Variants in ZNF512 observed in about 807,000 individuals in gnomAD.
ZNF512 encodes zinc finger protein 512.
In ZNF512, 25 loss-of-function variants were observed where a neutral mutation model predicts 77.5. The observed-to-expected ratio is 0.32, with a 90% confidence interval of 0.23 to 0.45. The LOEUF (loss-of-function observed/expected upper bound fraction) is 0.45, where lower values mean the gene tolerates loss of function less well. Among genes scored for constraint, ZNF512 ranks in the 20% least tolerant of loss-of-function variants. The probability of loss-of-function intolerance (pLI) is 1.00; values close to 1 mark genes in which losing one functional copy is unlikely to be tolerated. For synonymous variants in ZNF512, 246 were observed against 239.9 expected, an observed-to-expected ratio of 1.03 and a Z score of -0.24; for missense variants, 483 against 692.6, an observed-to-expected ratio of 0.70 and a Z score of 3.40.
At chr2:27,587,268 GTTTTTTTT>G (rs57745266) in intron 2 of ZNF512, among the ~76,000 whole-genome samples, 1 of 132,944 alleles carries the variant, frequency 7.5e-6, no homozygotes, top group African/African-American at 2.8e-5. Flanking sequence ...TAATTCATGG[GTTTTTTTT>G]TTTTTTTTTT....
At chr2:27,591,699 G>A (rs1375855701) in intron 2 of ZNF512, among the ~76,000 whole-genome samples, 3 of 152,186 alleles carry the variant, frequency 2.0e-5, no homozygotes, top group Admixed American at 6.5e-5. Flanking sequence ...GCGAGTCACC[G>A]CGCCCAGCCT....
At chr2:27,597,971 TCTGCAGAGGTAAC>T (rs1671946393) in intron 2 of ZNF512, 83 bp from the exon 3 acceptor site, 2 of 955,044 alleles carry the variant, frequency 2.1e-6, no homozygotes, top group Admixed American at 5.0e-5. Context: ...TTCTTAGTTT[TCTGCAGAGGTAAC>T]CAACTTGGTT....
At chr2:27,583,454 G>C in intron 1 of ZNF512, 2 of 1,449,922 alleles carry the variant, frequency 1.4e-6, no homozygotes, top group Admixed American at 5.7e-5. Context: ...GAGAATGGGG[G>C]AAGACGAAGG....
At chr2:27,609,854 A>T (rs184664086) in intron 10 of ZNF512, among the ~76,000 whole-genome samples, 2 of 144,700 alleles carry the variant, frequency 1.4e-5, no homozygotes, top group African/African-American at 5.3e-5. Context: ...GGGCAACAAG[A>T]GCAGAAATCT....
chr2:27,593,761 C>A (rs1470252860), intron 2 of ZNF512, among the ~76,000 whole-genome samples: 1 of 150,512 alleles, frequency 6.6e-6, no homozygotes, highest in Non-Finnish European at 1.5e-5. Flanking sequence ...TATTTTTCTG[C>A]CTTAGTATCT....
Position 27,621,568 on chromosome 2 carries a change from T to C in ZNF512, c.*107T>C, listed in dbSNP as rs1673125159. On this transcript the variant is annotated 3_prime_UTR_variant, in exon 14 of 14. Transcript: ENST00000355467. ...ATTCTTTCAGCTGTTTGTGTAAGGC[T>C]GTGACTTTCTCAGCTCCTTCCTCCT... The C allele has an allele frequency of 2.5e-6, 3 of 1,214,632 alleles. No homozygotes were observed. 75.2% of individuals were successfully genotyped at this position (1,214,632 alleles called of 1,614,324 possible). A position where few individuals can be genotyped will look rare whatever the true frequency, so the allele number is the denominator to read the frequency against.
chr2:27,622,703 G>A lies in ZNF512; in HGVS notation c.*1242G>A, dbSNP rs2148053035. 1 of 152,772 alleles carries A rather than the reference G, an allele frequency of 6.5e-6. No individual in the cohort carries two copies. Among genetic ancestry groups the A allele is most frequent in the South Asian group, 2.1e-4 (1 of 4,816 alleles). The allele number at this position is 152,772 out of a possible 1,614,324, so 9.5% of individuals were successfully genotyped here. ...CTCTTCCCCATTTTGCGTAAATATT[G>A]GTCTTATATATTCTTGCCTATTTTG... On this transcript the variant is annotated 3_prime_UTR_variant, in exon 14 of 14. Transcript: ENST00000355467.
At chr2:27,596,761 A>G (rs1671889222) in intron 2 of ZNF512, among the ~76,000 whole-genome samples, 2 of 152,184 alleles carry the variant, frequency 1.3e-5, no homozygotes, top group African/African-American at 4.8e-5. Context: ...TCATGTGTGG[A>G]GAGCCGAAAC....
chr2:27,588,699 G>A (rs1671443293), intron 2 of ZNF512, among the ~76,000 whole-genome samples: 2 of 151,874 alleles, frequency 1.3e-5, no homozygotes, highest in Admixed American at 1.3e-4. Context: ...GTTATTCTCA[G>A]TTCTTTGCGT....
intron 3 of ZNF512, 91 bp from the exon 4 acceptor site, chr2:27,599,492 A>T: frequency 1.1e-6 from 1 of 912,024 alleles, no homozygotes; most frequent in East Asian, 2.4e-5. Flanking sequence ...TTTCCTTTTG[A>T]TGGTCTTGTG....
intron 10 of ZNF512, among the ~76,000 whole-genome samples, chr2:27,608,404 C>G (rs528230918): frequency 1.3e-5 from 2 of 152,126 alleles, no homozygotes; most frequent in Non-Finnish European, 2.9e-5. Context: ...TCCTCTCCCC[C>G]GCTTTTTTCA....
chr2:27,593,323 G>C (rs1396601958), intron 2 of ZNF512, among the ~76,000 whole-genome samples: 5 of 150,340 alleles, frequency 3.3e-5, no homozygotes, highest in Admixed American at 6.6e-5. Context: ...GATTGTTTAA[G>C]CCTGGGAGGT....
intron 10 of ZNF512, among the ~76,000 whole-genome samples, chr2:27,613,031 T>C (rs908372310): frequency 2.0e-5 from 3 of 152,218 alleles, no homozygotes; most frequent in African/African-American, 4.8e-5. Flanking sequence ...CCCATTCCCC[T>C]TTTCTTTCTA....
In ZNF512 at chr2:27,607,906, A is replaced by G. The variant is rs1448738065; in HGVS notation, c.998A>G (p.Lys333Arg). 7.4e-6 allele frequency: 12 copies of G among 1,614,022 alleles called. No homozygotes were observed. Among genetic ancestry groups the G allele is most frequent in the Non-Finnish European group, 1.0e-5 (12 of 1,180,026 alleles). Residue 333 changes from lysine to arginine, a missense_variant, in exon 10 of 14, where the codon AAG becomes AGG. Physicochemically the swap from Lys to Arg is conservative, Grantham distance 26. This residue lies in a region of ZNF512 where 324 missense variants were observed against 525.0 expected (regional missense o/e 0.62). Coordinates refer to ENST00000355467, the MANE Select transcript of ZNF512 (RefSeq NM_032434.4). The stretch of plus-strand genomic sequence containing the variant: ...TTAAAGGAGATGAACCTAGAGTCAA[A>G]GAGTGGGGGCCGAGTTCAGAGACGT... ...ECLKEMNLES[K>R]SGGRVQRRSA...
intron 2 of ZNF512, among the ~76,000 whole-genome samples, chr2:27,589,956 T>TA (rs756288844): frequency 2.0e-5 from 3 of 152,210 alleles, no homozygotes; most frequent in African/African-American, 7.2e-5. Context: ...TAATAAAAGT[T>TA]AAAGTTGATG....
chr2:27,601,481 C>CTT (rs374245570), intron 7 of ZNF512, 39 bp downstream of exon 7: 103 of 1,213,526 alleles, frequency 8.5e-5, no homozygotes, highest in Admixed American at 1.6e-4. Context: ...GTTTGGATGT[C>CTT]TTTTTTTTTT....
Position 27,591,334 on chromosome 2 carries a change from C to T in ZNF512, c.90-6733C>T, listed in dbSNP as rs555783914. On this transcript the variant is annotated intron_variant, in intron 2 of 13. Coordinates refer to ENST00000355467, the MANE Select transcript of ZNF512 (RefSeq NM_032434.4). ...TCATGGGGAATGGGATATCCATCCCCTCAAGCATTTATCCTTTGTGTTATA... is the reference window on the plus strand; with the variant it reads ...TCATGGGGAATGGGATATCCATCCCTTCAAGCATTTATCCTTTGTGTTATA... Among the ~76,000 whole-genome samples, 10 of 152,288 alleles carry T rather than the reference C, an allele frequency of 6.6e-5. No individual in the cohort carries two copies. In the East Asian group the frequency reaches 1.9e-3, roughly 29 times the overall value.
At chr2:27,604,147 G>A (rs1402539740) in intron 9 of ZNF512, among the ~76,000 whole-genome samples, 3 of 150,402 alleles carry the variant, frequency 2.0e-5, no homozygotes, top group Admixed American at 6.6e-5. Flanking sequence ...GGCTGGTCTC[G>A]AACTCCCGAT....
rs200867765 is a variant in ZNF512 at position 27,583,127 on chromosome 2, C to A, written c.15C>A (p.Leu5=). ...GAGAGGGAGTGATGTCTTCCAGACTCGGTGCTGTACCCGCCGTGAGTTTCT... is the reference window on the plus strand; with the variant it reads ...GAGAGGGAGTGATGTCTTCCAGACTAGGTGCTGTACCCGCCGTGAGTTTCT... MSSR[L]GAVPATSGPT... is the part of the protein sequence containing the mutation. The change falls in exon 1 of 14, where the codon CTC becomes CTA. Residue 5 remains leucine, a synonymous_variant. Transcript: ENST00000355467. The A allele has an allele frequency of 8.7e-6, 14 of 1,613,748 alleles. No homozygotes were observed. The highest frequency in any genetic ancestry group is 1.2e-5 in the Non-Finnish European group (14 of 1,179,930).
Sources: allele counts gnomAD v4.1 joint callset (sites outside exome capture counted in the v4.1 genomes callset), GRCh38; gene constraint gnomAD v4.1.1; regional missense constraint gnomAD v4.1.1; transcripts MANE v1.5; gene names NCBI Gene and HGNC (gene_info 2026-07-23, HGNC 2026-07-21).